CDH13: variants seen among roughly 807,000 people sequenced by gnomAD.
The protein encoded by CDH13 is cadherin-13.
A neutral mutation model predicts 63.8 loss-of-function variants in CDH13; 24 were observed. The ratio of observed to expected loss-of-function variants is 0.38; its 90% CI spans 0.27 to 0.53. The LOEUF (loss-of-function observed/expected upper bound fraction) is 0.53. CDH13 is among the 20% of genes least tolerant of loss of function. The pLI is 0.85. For synonymous variants in CDH13, 503 were observed against 355.3 expected (o/e 1.42, Z -4.67); for missense variants, 1,049 against 903.1 (o/e 1.16, Z -2.07).
chr16:82,638,836 T>G (rs4782723), intron 1 of CDH13, among the ~76,000 whole-genome samples: 16 of 50,036 alleles, frequency 3.2e-4, no homozygotes, highest in South Asian at 1.9e-3. Context: ...GTGTGTGCGT[T>G]TGTGTGCATG....
chr16:82,864,353 A>C (rs1430337307), intron 2 of CDH13, among the ~76,000 whole-genome samples: 1 of 152,128 alleles, frequency 6.6e-6, no homozygotes, highest in African/African-American at 2.4e-5. Context: ...TACTTCTATA[A>C]AGAACTACCT....
At position 82,663,464 on chromosome 16, in the gene CDH13, C is replaced by A. The variant is rs1430261095; in HGVS notation, c.45+36327C>A. Among the ~76,000 whole-genome samples the A allele has an allele frequency of 2.6e-5, 4 of 152,128 alleles. 1 individual carries two copies. In the South Asian group the frequency reaches 8.3e-4, roughly 32 times the overall value. On this transcript the variant is annotated intron_variant, in intron 1 of 13. Transcript: ENST00000567109. ...CCTCCCAAAATGCTGGGATTACAGG[C>A]ATGAGCCACCATGCCCAGCCACCGC...
chr16:82,790,780 T>A (rs1186425060), intron 1 of CDH13, among the ~76,000 whole-genome samples: 2 of 150,980 alleles, frequency 1.3e-5, no homozygotes, highest in African/African-American at 4.9e-5. Flanking sequence ...GAGGGAGGAG[T>A]CCCTTATAAA....
chr16:83,511,533 A>T (rs999382679), intron 7 of CDH13, among the ~76,000 whole-genome samples: 2 of 151,998 alleles, frequency 1.3e-5, no homozygotes, highest in Non-Finnish European at 2.9e-5. Context: ...CTACACATAC[A>T]CTCATACATT....
At position 82,672,806 on chromosome 16, in the gene CDH13, C is replaced by A. The variant is rs867048981; in HGVS notation, c.45+45669C>A. On this transcript the variant is annotated intron_variant, in intron 1 of 13. Transcript: ENST00000567109. ...ACACACACACACACACACACATACA[C>A]ACACACACACAAAATATATATATTT... is the stretch of plus-strand genomic sequence containing the variant. 3.0e-5 allele frequency among the ~76,000 whole-genome samples: 4 copies of A among 135,106 alleles called. No homozygotes were observed. In the East Asian group the frequency reaches 1.0e-3, roughly 34 times the overall value. The allele number at this position is 135,106 out of a possible 152,430, so 88.6% of individuals were successfully genotyped here.
At chr16:83,713,104 G>C (rs1349967746) in intron 10 of CDH13, among the ~76,000 whole-genome samples, 1 of 152,184 alleles carries the variant, frequency 6.6e-6, no homozygotes, top group Admixed American at 6.5e-5. Context: ...AGTAGCTAGG[G>C]AGCTGTGTGT....
chr16:83,705,913 G>C (rs1377556886), intron 10 of CDH13, among the ~76,000 whole-genome samples: 1 of 152,212 alleles, frequency 6.6e-6, no homozygotes, highest in Non-Finnish European at 1.5e-5. Flanking sequence ...TGGGAGAGTA[G>C]ATAAGTCTGC....
chr16:82,807,812 A>G (rs528206304), intron 1 of CDH13, among the ~76,000 whole-genome samples: 89 of 152,314 alleles, frequency 5.8e-4, no homozygotes, highest in African/African-American at 2.0e-3. Context: ...TTACAATTAG[A>G]TCCATAAAAA....
intron 6 of CDH13, among the ~76,000 whole-genome samples, chr16:83,387,576 G>A (rs9319441): frequency 0.47 from 72,082 of 152,048 alleles, 17,269 homozygotes; most frequent in South Asian, 0.63. Flanking sequence ...AAATCAAAGA[G>A]CTGAAAAAAT....
intron 4 of CDH13, among the ~76,000 whole-genome samples, chr16:83,128,951 T>G (rs573879529): frequency 6.6e-6 from 1 of 152,360 alleles, no homozygotes; most frequent in East Asian, 1.9e-4. Flanking sequence ...CTAGATGTTT[T>G]TTGTAGAATT....
At chr16:82,717,593 AG>A (rs1480591371) in intron 1 of CDH13, among the ~76,000 whole-genome samples, 2 of 152,122 alleles carry the variant, frequency 1.3e-5, no homozygotes, top group Admixed American at 1.3e-4. Flanking sequence ...GACATTCCTT[AG>A]CTTATAGCCA....
At chr16:83,075,703 T>A (rs1236523144) in intron 3 of CDH13, among the ~76,000 whole-genome samples, 1 of 152,220 alleles carries the variant, frequency 6.6e-6, no homozygotes, top group East Asian at 1.9e-4. Flanking sequence ...TTTTAGATTG[T>A]TTGAGTTTTC....
At chr16:82,795,922 G>C (rs1335356206) in intron 1 of CDH13, among the ~76,000 whole-genome samples, 1 of 148,588 alleles carries the variant, frequency 6.7e-6, no homozygotes, top group Non-Finnish European at 1.5e-5. Flanking sequence ...TAACACAGTG[G>C]AAAAAAAGGC....
chr16:83,431,720 A>G (rs1433540953), intron 6 of CDH13, among the ~76,000 whole-genome samples: 1 of 152,118 alleles, frequency 6.6e-6, no homozygotes, highest in Non-Finnish European at 1.5e-5. Context: ...CTTTCAAACA[A>G]CCAGGTCTCA....
chr16:83,555,271 A>G (rs547029409), intron 7 of CDH13, among the ~76,000 whole-genome samples: 36 of 152,148 alleles, frequency 2.4e-4, no homozygotes, highest in Non-Finnish European at 4.6e-4. Flanking sequence ...GGGGTATCTT[A>G]GAACCTTGCT....
intron 10 of CDH13, among the ~76,000 whole-genome samples, chr16:83,731,373 G>T (rs1911027566): frequency 6.6e-6 from 1 of 152,152 alleles, no homozygotes; most frequent in African/African-American, 2.4e-5. Context: ...GGTGTGAGAT[G>T]GTATCTCATT....
chr16:83,089,524 C>G (rs2033789584), intron 3 of CDH13, among the ~76,000 whole-genome samples: 1 of 147,076 alleles, frequency 6.8e-6, no homozygotes, highest in Non-Finnish European at 1.5e-5. Flanking sequence ...CTTGGCTCAC[C>G]AGTGGGACCA....
In CDH13 at chr16:82,842,157, TATATATAC is replaced by T. The variant is rs1233151325; in HGVS notation, c.46-16203_46-16196del. Among the ~76,000 whole-genome samples the T allele has an allele frequency of 5.8e-3, 192 of 32,830 alleles. 5 individuals carry two copies. The highest frequency in any genetic ancestry group is 1.0e-2 in the Non-Finnish European group (135 of 13,548). 21.5% of individuals were successfully genotyped at this position (32,830 alleles called of 152,430 possible). On this transcript the variant is annotated intron_variant, in intron 1 of 13. Transcript: ENST00000567109. ...ATATATACACATATATATATATATA[TATATATAC>T]ACACACACACATATATATACACATA...
intron 7 of CDH13, among the ~76,000 whole-genome samples, chr16:83,512,301 A>T (rs2074587706): frequency 6.6e-6 from 1 of 150,566 alleles, no homozygotes; most frequent in Non-Finnish European, 1.5e-5. Context: ...AGCCTGGCGG[A>T]CAGAGTGAAA....
Sources: gnomAD v4.1 joint callset for allele counts (sites outside exome capture counted in the v4.1 genomes callset) on GRCh38, gnomAD v4.1.1 for gene constraint, MANE v1.5 for transcripts, NCBI Gene and HGNC (gene_info 2026-07-23, HGNC 2026-07-21) for gene names.